Variants in UBE2L5 observed in about 807,000 individuals in gnomAD.
UBE2L5 encodes ubiquitin conjugating enzyme E2 L5, also known as ubiquitin-conjugating enzyme E2 L5.
Under a neutral mutation model 10.0 loss-of-function variants are expected in UBE2L5, and 3 were observed. The observed-to-expected ratio is 0.30, with a 90% confidence interval of 0.14 to 0.78. The LOEUF (loss-of-function observed/expected upper bound fraction) is 0.78. UBE2L5 is among the 30% of genes least tolerant of loss of function. The pLI is 0.65. For synonymous variants in UBE2L5, 60 were observed against 71.9 expected (o/e 0.83, Z 0.83); for missense variants, 131 against 193.3 (o/e 0.68, Z 1.91).
Position 30,427,880 on chromosome 13 carries a change from C to A in UBE2L5, c.-111C>A, listed in dbSNP as rs558186410. On this transcript the variant is annotated 5_prime_UTR_variant, in exon 4 of 4. Coordinates refer to ENST00000635918, the MANE Select transcript of UBE2L5 (RefSeq NM_001355247.2). Reference sequence around the variant, plus strand: ...CCAGTGGGCAAGTTGCTTTGCTCAGCGTAAGTTCAAACTGCCACATCAGAA... The same window carrying A: ...CCAGTGGGCAAGTTGCTTTGCTCAGAGTAAGTTCAAACTGCCACATCAGAA... 1.1e-4 allele frequency: 84 copies of A among 764,824 alleles called. No homozygotes were observed. The African/African-American group carries it at 1.4e-3, about 12-fold the overall frequency. The allele number at this position is 764,824 out of a possible 1,614,324, so 47.4% of individuals were successfully genotyped here.
Position 30,428,236 on chromosome 13 carries a change from G to A in UBE2L5, c.246G>A (p.Lys82=), listed in dbSNP as rs2892546. ...TCTATCACCCGAACATCGACGAAAA[G>A]GGGCAGGTCTGTCTGCCAGTAATTA... is the stretch of plus-strand genomic sequence containing the variant. ...TKIYHPNIDE[K]GQVCLPVISA... Residue 82 remains lysine (K), a synonymous_variant, in exon 4 of 4, where the codon AAG becomes AAA. Coordinates refer to ENST00000635918, the MANE Select transcript of UBE2L5 (RefSeq NM_001355247.2). The A allele has an allele frequency of 0.37, 591,840 of 1,606,156 alleles. 112,969 individuals are homozygous for A. Among genetic ancestry groups the A allele is most frequent in the South Asian group, 0.39 (35,341 of 90,708 alleles).
In UBE2L5 at chr13:30,422,646, T is replaced by A. The variant is rs897844455; in HGVS notation, c.-810T>A. 1 of 152,208 alleles carries A rather than the reference T, an allele frequency of 6.6e-6. No individual in the cohort carries two copies. Among genetic ancestry groups the A allele is most frequent in the African/African-American group, 2.4e-5 (1 of 41,450 alleles). 9.4% of individuals were successfully genotyped at this position (152,208 alleles called of 1,614,324 possible). On this transcript the variant is annotated 5_prime_UTR_variant, in exon 1 of 4. Transcript: ENST00000635918. ...CACTTCCTGGAGGCTTTTTGTTGTG[T>A]CTTGAAACTAGGATCTTTGCGGGTC...
rs564681812 is a variant in UBE2L5 at position 30,426,529 on chromosome 13, A to G, written c.-684-196A>G. Among the ~76,000 whole-genome samples, 7 of 152,278 alleles carry G rather than the reference A, an allele frequency of 4.6e-5. No individual in the cohort carries two copies. In the South Asian group the frequency reaches 1.2e-3, roughly 27 times the overall value. On this transcript the variant is annotated intron_variant, in intron 2 of 3. Transcript: ENST00000635918. ...TACTATTTTGAATCGTACTTGTTCAATTGTATTTTGTACCCTGACATCTGC... is the reference window on the plus strand; with the variant it reads ...TACTATTTTGAATCGTACTTGTTCAGTTGTATTTTGTACCCTGACATCTGC...
In UBE2L5 at chr13:30,428,594, A is replaced by G; in HGVS notation, c.*139A>G. ...CTTGCAGCAGTTACTAACTTTCTAC[A>G]GTTTTCTTAATTAAAAGTGGTCTAG... On this transcript the variant is annotated 3_prime_UTR_variant, in exon 4 of 4. Coordinates refer to ENST00000635918, the MANE Select transcript of UBE2L5 (RefSeq NM_001355247.2). 8.5e-6 allele frequency: 8 copies of G among 946,644 alleles called. No homozygotes were observed. Among genetic ancestry groups the G allele is most frequent in the Non-Finnish European group, 1.1e-5 (7 of 645,724 alleles). The allele number at this position is 946,644 out of a possible 1,614,324, so 58.6% of individuals were successfully genotyped here.
Position 30,427,867 on chromosome 13 carries a change from T to C in UBE2L5, c.-124T>C. ...TCACTCTAACCAACCAGTGGGCAAGTTGCTTTGCTCAGCGTAAGTTCAAAC... is the reference window on the plus strand; with the variant it reads ...TCACTCTAACCAACCAGTGGGCAAGCTGCTTTGCTCAGCGTAAGTTCAAAC... On this transcript the variant is annotated 5_prime_UTR_variant, in exon 4 of 4. Coordinates refer to ENST00000635918, the MANE Select transcript of UBE2L5 (RefSeq NM_001355247.2). The C allele has an allele frequency of 1.4e-6, 1 of 731,298 alleles. No individual in the cohort carries two copies. Among genetic ancestry groups the C allele is most frequent in the Non-Finnish European group, 2.5e-6 (1 of 404,342 alleles). 45.3% of individuals were successfully genotyped at this position (731,298 alleles called of 1,614,324 possible).
intron 2 of UBE2L5, among the ~76,000 whole-genome samples, chr13:30,425,916 A>G (rs1019017711): frequency 7.2e-5 from 11 of 152,128 alleles, no homozygotes; most frequent in Admixed American, 6.5e-4. Context: ...CGGGAGGCCG[A>G]GGCAGGAGAA....
rs1885572654 is a variant in UBE2L5 at position 30,428,488 on chromosome 13, C to G, written c.*33C>G. 1.9e-6 allele frequency: 3 copies of G among 1,608,116 alleles called. No individual in the cohort carries two copies. ...CACGATTGGTTCCAGCAAGTGTGAG[C>G]AGAGACCCCGTGCAGTACATTCAGA... On this transcript the variant is annotated 3_prime_UTR_variant, in exon 4 of 4. Transcript: ENST00000635918.
rs1593238839 is a variant in UBE2L5 at position 30,425,743 on chromosome 13, C to T, written c.-685+842C>T. Reference sequence around the variant, plus strand: ...TATTCACTCATCAAATATTTATAGGCCGGGCGTGGTGTTTCACGCCTGTAA... The same window carrying T: ...TATTCACTCATCAAATATTTATAGGTCGGGCGTGGTGTTTCACGCCTGTAA... On this transcript the variant is annotated intron_variant, in intron 2 of 3. Transcript: ENST00000635918. Among the ~76,000 whole-genome samples, 4 of 152,046 alleles carry T rather than the reference C, an allele frequency of 2.6e-5. No homozygotes were observed. The Middle Eastern group carries it at 0.01, about 388-fold the overall frequency.
At position 30,428,309 on chromosome 13, in the gene UBE2L5, T is replaced by C. The variant is rs1885569593; in HGVS notation, c.319T>C (p.Ser107Pro). 6 of 1,608,682 alleles carry C rather than the reference T, an allele frequency of 3.7e-6. No homozygotes were observed. Among genetic ancestry groups the C allele is most frequent in the Non-Finnish European group, 5.1e-6 (6 of 1,177,194 alleles). Reference protein sequence around the residue: ...PATKTDQVIQSLIALVNDPQP... With the variant: ...PATKTDQVIQPLIALVNDPQP... ...AACCAAAACCGACCAAGTAATCCAG[T>C]CCCTCATAGCACTGGTGAATGACCC... is the stretch of plus-strand genomic sequence containing the variant. Residue 107 changes from serine to proline, a missense_variant, in exon 4 of 4, where the codon TCC becomes CCC. Coordinates refer to ENST00000635918, the MANE Select transcript of UBE2L5 (RefSeq NM_001355247.2).
At position 30,428,363 on chromosome 13, in the gene UBE2L5, C is replaced by T. The variant is rs1408200662; in HGVS notation, c.373C>T (p.Leu125=). The T allele has an allele frequency of 5.6e-6, 9 of 1,611,878 alleles. No individual in the cohort carries two copies. The highest frequency in any genetic ancestry group is 7.6e-6 in the Non-Finnish European group (9 of 1,179,476). The change falls in exon 4 of 4, where the codon CTA becomes TTA. Residue 125 remains leucine, a synonymous_variant. Transcript: ENST00000635918. ...PQPEHPLRAD[L]AEEYSNDRKK... ...GCCCGAGCACCCGCTTCGGGCTGACCTAGCTGAAGAATACTCTAACGACCG... is the reference window on the plus strand; with the variant it reads ...GCCCGAGCACCCGCTTCGGGCTGACTTAGCTGAAGAATACTCTAACGACCG...
At chr13:30,423,622 G>A (rs181102098) in intron 1 of UBE2L5, among the ~76,000 whole-genome samples, 21 of 152,242 alleles carry the variant, frequency 1.4e-4, no homozygotes, top group East Asian at 3.9e-4. Flanking sequence ...CTGAAAGGCC[G>A]GGGAATCATA....
intron 1 of UBE2L5, among the ~76,000 whole-genome samples, chr13:30,423,881 G>A (rs1322770185): frequency 1.3e-5 from 2 of 152,204 alleles, no homozygotes; most frequent in Non-Finnish European, 2.9e-5. Flanking sequence ...GATGGAAACC[G>A]TTTTCACTAA....
intron 2 of UBE2L5, among the ~76,000 whole-genome samples, chr13:30,425,928 C>A (rs548218317): frequency 6.6e-6 from 1 of 152,016 alleles, no homozygotes; most frequent in Non-Finnish European, 1.5e-5. Context: ...GCAGGAGAAT[C>A]GCTTGAACCT....
Position 30,428,049 on chromosome 13 carries a change from A to G in UBE2L5, c.59A>G (p.Glu20Gly). 6.2e-7 allele frequency: 1 copy of G among 1,610,820 alleles called. No homozygotes were observed. Among genetic ancestry groups the G allele is most frequent in the Non-Finnish European group, 8.5e-7 (1 of 1,176,966 alleles). The change falls in exon 4 of 4, where the codon GAA becomes GGA. Residue 20 changes from glutamate (E) to glycine (G), a missense_variant. Physicochemically the swap from Glu to Gly is moderately conservative, Grantham distance 98. Coordinates refer to ENST00000635918, the MANE Select transcript of UBE2L5 (RefSeq NM_001355247.2). The stretch of plus-strand genomic sequence containing the variant: ...GAAGAAATCCGCAAATGTGGAATGG[A>G]AAACTTCCGTAACATCCAGGTTGAT... ...ELEEIRKCGM[E>G]NFRNIQVDEA...
intron 2 of UBE2L5, among the ~76,000 whole-genome samples, chr13:30,425,260 G>T (rs1332856060): frequency 2.0e-5 from 3 of 152,230 alleles, no homozygotes; most frequent in African/African-American, 7.2e-5. Flanking sequence ...GGCCCTGGTT[G>T]ATTCCCTGGC....
At position 30,428,879 on chromosome 13, in the gene UBE2L5, A is replaced by C. The variant is rs1174373395; in HGVS notation, c.*424A>C. Among the ~76,000 whole-genome samples, 1 of 135,524 alleles carries C rather than the reference A, an allele frequency of 7.4e-6. No individual in the cohort carries two copies. Among genetic ancestry groups the C allele is most frequent in the African/African-American group, 2.7e-5 (1 of 37,244 alleles). The allele number at this position is 135,524 out of a possible 152,430, so 88.9% of individuals were successfully genotyped here. On this transcript the variant is annotated 3_prime_UTR_variant, in exon 4 of 4. Coordinates refer to ENST00000635918, the MANE Select transcript of UBE2L5 (RefSeq NM_001355247.2). Reference sequence around the variant, plus strand: ...TTTTTTTTTTTTTTGGTGGATGTAGATAGGAGATGGGATGAGAGTGGCCAC... The same window carrying C: ...TTTTTTTTTTTTTTGGTGGATGTAGCTAGGAGATGGGATGAGAGTGGCCAC...
At chr13:30,425,848 C>T (rs1166156832) in intron 2 of UBE2L5, among the ~76,000 whole-genome samples, 1 of 151,898 alleles carries the variant, frequency 6.6e-6, no homozygotes, top group Non-Finnish European at 1.5e-5. Context: ...CATGGTGAAA[C>T]CCCGTCACTG....
intron 1 of UBE2L5, among the ~76,000 whole-genome samples, chr13:30,423,990 C>G (rs1566169433): frequency 6.6e-6 from 1 of 152,224 alleles, no homozygotes; most frequent in Non-Finnish European, 1.5e-5. Flanking sequence ...AACTTGTCTT[C>G]CAGACCTGTT....
chr13:30,428,277 A>G lies in UBE2L5; in HGVS notation c.287A>G (p.Lys96Arg). 1 of 1,607,824 alleles carries G rather than the reference A, an allele frequency of 6.2e-7. No homozygotes were observed. The highest frequency in any genetic ancestry group is 8.5e-7 in the Non-Finnish European group (1 of 1,176,550). ...CCAGTAATTAGTGCTGAAAACTGGA[A>G]GCCAGCAACCAAAACCGACCAAGTA... Reference protein sequence around the residue: ...CLPVISAENWKPATKTDQVIQ... With the variant: ...CLPVISAENWRPATKTDQVIQ... The change falls in exon 4 of 4, where the codon AAG becomes AGG. Residue 96 changes from lysine (K) to arginine (R), a missense_variant. Transcript: ENST00000635918.
Sources: allele counts gnomAD v4.1 joint callset (sites outside exome capture counted in the v4.1 genomes callset), GRCh38; gene constraint gnomAD v4.1.1; transcripts MANE v1.5; gene names NCBI Gene and HGNC (gene_info 2026-07-23, HGNC 2026-07-21).